The following DLG2 variants were observed in gnomAD, a reference collection of about 807,000 sequenced individuals.
DLG2 encodes the protein disks large homolog 2.
A neutral mutation model predicts 132.5 loss-of-function variants in DLG2; 45 were observed. The observed-to-expected ratio is 0.34, with a 90% CI of 0.27 to 0.44. The LOEUF is 0.44. DLG2 is among the 20% of genes least tolerant of loss of function. The probability of loss-of-function intolerance (pLI) is 1.00; values close to 1 mark genes in which losing one functional copy is unlikely to be tolerated. For missense variants in DLG2, 1,045 were observed against 1,196.9 expected (o/e 0.87, Z 1.87); for synonymous variants, 424 against 419.6 (o/e 1.01, Z -0.13).
intron 11 of DLG2, among the ~76,000 whole-genome samples, chr11:84,019,677 A>C (rs1409344796): frequency 6.6e-6 from 1 of 152,132 alleles, no homozygotes; most frequent in Non-Finnish European, 1.5e-5. Context: ...ATAAATGGAA[A>C]ATTTGGACAC....
chr11:84,447,886 G>C (rs1252050108), intron 7 of DLG2, among the ~76,000 whole-genome samples: 3 of 152,100 alleles, frequency 2.0e-5, no homozygotes, highest in Non-Finnish European at 2.9e-5. Flanking sequence ...AAGGAACGTA[G>C]AGCTGGGAAG....
intron 18 of DLG2, among the ~76,000 whole-genome samples, chr11:83,646,357 CAG>C (rs1555286926): frequency 7.8e-4 from 98 of 125,536 alleles, no homozygotes; most frequent in Admixed American, 1.7e-3. Flanking sequence ...AGATATGAAA[CAG>C]AGAGAGAGAG....
At chr11:84,218,228 G>T (rs1234119) in intron 8 of DLG2, among the ~76,000 whole-genome samples, 1 of 147,946 alleles carries the variant, frequency 6.8e-6, no homozygotes, top group South Asian at 2.2e-4. Flanking sequence ...AGAAAGGAAG[G>T]AAGGAAGGAA....
intron 6 of DLG2, among the ~76,000 whole-genome samples, chr11:85,024,603 G>A (rs764005494): frequency 1.3e-5 from 2 of 152,106 alleles, no homozygotes; most frequent in East Asian, 1.9e-4. Context: ...AGCCACCATC[G>A]TACTTTAAAT....
intron 16 of DLG2, 37 bp downstream of exon 16, chr11:83,874,383 G>A: frequency 6.9e-7 from 1 of 1,454,892 alleles, no homozygotes; most frequent in Non-Finnish European, 9.4e-7. Context: ...ATATTCCAAG[G>A]CTGCACAGTT....
At chr11:84,265,855 G>A (rs11233969) in intron 7 of DLG2, among the ~76,000 whole-genome samples, 20,664 of 151,782 alleles carry the variant, frequency 0.14, 1,552 homozygotes, top group Middle Eastern at 0.16. Context: ...CAAAAACTAT[G>A]GCATATCTAG....
intron 5 of DLG2, among the ~76,000 whole-genome samples, chr11:85,114,525 G>A (rs987620179): frequency 6.6e-6 from 1 of 151,842 alleles, no homozygotes; most frequent in Non-Finnish European, 1.5e-5. Flanking sequence ...CAGGATTCGG[G>A]GATTTGCAAT....
At chr11:84,335,306 T>C (rs1404458026) in intron 7 of DLG2, among the ~76,000 whole-genome samples, 1 of 151,756 alleles carries the variant, frequency 6.6e-6, no homozygotes, top group Non-Finnish European at 1.5e-5. Context: ...CATTTTAACA[T>C]GGCTTCAGAA....
chr11:85,611,329 CA>C (rs1401061908), intron 2 of DLG2, among the ~76,000 whole-genome samples: 2 of 152,194 alleles, frequency 1.3e-5, no homozygotes, highest in Non-Finnish European at 2.9e-5. Context: ...GGCTATCAGA[CA>C]ACTGCCTACT....
intron 6 of DLG2, among the ~76,000 whole-genome samples, chr11:84,937,500 G>A (rs1174594020): frequency 6.6e-6 from 1 of 152,140 alleles, no homozygotes; most frequent in Non-Finnish European, 1.5e-5. Flanking sequence ...CAGAGAAGGG[G>A]TGGTTACTTG....
chr11:85,427,492 A>AT (rs1414469833), intron 3 of DLG2, among the ~76,000 whole-genome samples: 2 of 152,208 alleles, frequency 1.3e-5, no homozygotes, highest in African/African-American at 4.8e-5. Flanking sequence ...AAAGAAAAGA[A>AT]TTTTCAATCC....
At position 84,502,416 on chromosome 11, in the gene DLG2, A is replaced by T. The variant is rs569482383; in HGVS notation, c.519+32154T>A. Reference sequence around the variant, plus strand: ...TTTCTTTCTTTCTTTCTTTCTTTCTATACAGAGTCTCATGCTGTCACCCAG... The same window carrying T: ...TTTCTTTCTTTCTTTCTTTCTTTCTTTACAGAGTCTCATGCTGTCACCCAG... On this transcript the variant is annotated intron_variant, in intron 7 of 27. Coordinates refer to ENST00000376104, the MANE Select transcript of DLG2 (RefSeq NM_001142699.3). Among the ~76,000 whole-genome samples the T allele has an allele frequency of 3.8e-4, 33 of 86,048 alleles. 2 individuals are homozygous for T. Among genetic ancestry groups the T allele is most frequent in the East Asian group, 2.8e-3 (8 of 2,872 alleles). 56.5% of individuals were successfully genotyped at this position (86,048 alleles called of 152,430 possible).
At chr11:84,777,271 A>ATGTGTG (rs1168148650) in intron 6 of DLG2, among the ~76,000 whole-genome samples, 1 of 117,988 alleles carries the variant, frequency 8.5e-6, no homozygotes, top group Non-Finnish European at 1.7e-5. Context: ...GTGTATGTAT[A>ATGTGTG]TGTGTGTGTG....
At chr11:85,226,206 A>G (rs748951896) in intron 4 of DLG2, among the ~76,000 whole-genome samples, 2 of 151,270 alleles carry the variant, frequency 1.3e-5, no homozygotes, top group Non-Finnish European at 2.9e-5. Context: ...TATAATTGTT[A>G]TATTTAACAA....
chr11:85,086,555 T>C (rs758902979), intron 6 of DLG2, among the ~76,000 whole-genome samples: 1 of 152,192 alleles, frequency 6.6e-6, no homozygotes, highest in Non-Finnish European at 1.5e-5. Context: ...CAAATATTGC[T>C]TGGCATGAAG....
intron 7 of DLG2, among the ~76,000 whole-genome samples, chr11:84,526,608 TTAAAG>T (rs2099321284): frequency 6.6e-6 from 1 of 152,142 alleles, no homozygotes; most frequent in African/African-American, 2.4e-5. Flanking sequence ...ATAACTTTTA[TTAAAG>T]TATATTGTTA....
At chr11:84,218,627 CCCTTAAA>C (rs2096872520) in intron 8 of DLG2, among the ~76,000 whole-genome samples, 2 of 152,126 alleles carry the variant, frequency 1.3e-5, no homozygotes, top group East Asian at 3.9e-4. Flanking sequence ...GTTTGGCAGA[CCCTTAAA>C]ATGAAAGGAT....
chr11:85,017,154 A>G (rs2059643136), intron 6 of DLG2, among the ~76,000 whole-genome samples: 2 of 152,136 alleles, frequency 1.3e-5, no homozygotes, highest in South Asian at 4.1e-4. Context: ...TCTCTGATTT[A>G]TATCATTGAC....
At chr11:83,798,186 C>T (rs114324006) in intron 17 of DLG2, among the ~76,000 whole-genome samples, 1,955 of 152,258 alleles carry the variant, frequency 0.013, 50 homozygotes, top group African/African-American at 0.044. Context: ...GGTTTAGACC[C>T]GGGAAGGCCA....
Sources: allele counts gnomAD v4.1 joint callset (sites outside exome capture counted in the v4.1 genomes callset), GRCh38; gene constraint gnomAD v4.1.1; transcripts MANE v1.5; gene names NCBI Gene and HGNC (gene_info 2026-07-23, HGNC 2026-07-21).